Variants in RET observed in about 807,000 individuals in gnomAD.
RET encodes proto-oncogene tyrosine-protein kinase receptor Ret.
In RET, 19 loss-of-function variants were observed where a neutral mutation model predicts 118.3. The observed-to-expected ratio is 0.16, with a 90% CI of 0.11 to 0.24. The LOEUF (loss-of-function observed/expected upper bound fraction) is 0.24, where lower values mean the gene tolerates loss of function less well. RET is among the 10% of genes least tolerant of loss of function. RET has a pLI of 1.00. For synonymous variants in RET, 597 were observed against 644.1 expected (o/e 0.93, Z 1.11); for missense variants, 1,219 against 1,502.1 (o/e 0.81, Z 3.12).
In RET at chr10:43,119,527, C is replaced by G. The variant is rs768398267; in HGVS notation, c.2393-4C>G. ...CGCCCAGGGCCCCCTCTCTCCGCCC[C>G]CAGGCCCGCTCCTCCTCATCGTGGA... On this transcript the variant is annotated splice_region_variant and splice_polypyrimidine_tract_variant and intron_variant, in intron 13 of 19. Transcript: ENST00000355710. 7 of 1,593,132 alleles carry G rather than the reference C, an allele frequency of 4.4e-6. No individual in the cohort carries two copies. In the South Asian group the frequency reaches 7.9e-5, roughly 18 times the overall value.
intron 8 of RET, among the ~76,000 whole-genome samples, chr10:43,112,625 C>A (rs1837965289): frequency 6.6e-6 from 1 of 152,194 alleles, no homozygotes; most frequent in Non-Finnish European, 1.5e-5. Context: ...CTGAGAGGGT[C>A]CCGGCCTCTT....
chr10:43,093,933 C>T (rs1022258022), intron 1 of RET, among the ~76,000 whole-genome samples: 4 of 151,686 alleles, frequency 2.6e-5, no homozygotes, highest in Admixed American at 6.6e-5. Context: ...GGTGGGGAGG[C>T]GGGAGGAGCA....
Position 43,114,197 on chromosome 10 carries a change from G to A in RET, c.1880-283G>A, listed in dbSNP as rs994850530. On this transcript the variant is annotated intron_variant, in intron 10 of 19. Coordinates refer to ENST00000355710, the MANE Select transcript of RET (RefSeq NM_020975.6). The surrounding 1 kb of genome is among the most constrained non-coding windows in gnomAD (Gnocchi z 4.6). ...CCTGCCAGCCCTCCAGTGCCAGCTG[G>A]TGTAATGAGCACAGCCTCTGCTGTG... 3.3e-5 allele frequency among the ~76,000 whole-genome samples: 5 copies of A among 152,204 alleles called. No individual in the cohort carries two copies. Among genetic ancestry groups the A allele is most frequent in the African/African-American group, 9.6e-5 (4 of 41,458 alleles).
intron 7 of RET, 72 bp from the exon 8 acceptor site, chr10:43,112,027 C>T (rs1837946277): frequency 6.5e-7 from 1 of 1,546,724 alleles, no homozygotes; most frequent in East Asian, 2.4e-5. Context: ...GTGCTGTTCC[C>T]TGTCCTTGGG....
chr10:43,116,252 C>T (rs1479454633), intron 11 of RET, among the ~76,000 whole-genome samples: 2 of 152,228 alleles, frequency 1.3e-5, no homozygotes, highest in Non-Finnish European at 2.9e-5. Context: ...GACACTTCCA[C>T]TGTAGTCAGA....
At position 43,105,325 on chromosome 10, in the gene RET, T is replaced by G. The variant is rs1241946880; in HGVS notation, c.867+132T>G. 4.4e-6 allele frequency: 6 copies of G among 1,377,712 alleles called. No homozygotes were observed. The East Asian group carries it at 1.5e-4, about 33-fold the overall frequency. The allele number at this position is 1,377,712 out of a possible 1,614,324, so 85.3% of individuals were successfully genotyped here. ...TTCGCGCTTTCATTTGTCCTTCGCC[T>G]CCGTCTGCGCCGTCTGTCCTAGGGG... On this transcript the variant is annotated intron_variant, in intron 4 of 19. Transcript: ENST00000355710.
At chr10:43,096,404 C>G (rs1232860406) in intron 1 of RET, among the ~76,000 whole-genome samples, 2 of 152,186 alleles carry the variant, frequency 1.3e-5, no homozygotes, top group Non-Finnish European at 2.9e-5. Context: ...CACAAAGCCT[C>G]ACAGCATGTC....
intron 11 of RET, 144 bp from the exon 12 acceptor site, chr10:43,116,440 G>C: frequency 9.8e-7 from 1 of 1,022,320 alleles, no homozygotes; most frequent in Admixed American, 1.8e-5. Context: ...GACAGGCAGC[G>C]TTGCCGCTGG....
Position 43,109,255 on chromosome 10 carries a change from T to C in RET, c.1263+25T>C, listed in dbSNP as rs751527552. 4 of 1,607,436 alleles carry C rather than the reference T, an allele frequency of 2.5e-6. No individual in the cohort carries two copies. The East Asian group carries it at 8.9e-5, about 36-fold the overall frequency. On this transcript the variant is annotated intron_variant, in intron 6 of 19. Coordinates refer to ENST00000355710, the MANE Select transcript of RET (RefSeq NM_020975.6). ...GGTGAGCCCATACCTATTGCCTGTC[T>C]GGGGAAGATTGAAAGGCCAAGGGAC...
At chr10:43,094,895 AGTGT>A (rs1391239172) in intron 1 of RET, among the ~76,000 whole-genome samples, 1 of 152,150 alleles carries the variant, frequency 6.6e-6, no homozygotes, top group Non-Finnish European at 1.5e-5. Context: ...TGAGAGAATG[AGTGT>A]GTGTGAGAGA....
Position 43,106,939 on chromosome 10 carries a change from C to T in RET, c.1063+368C>T, listed in dbSNP as rs1336954517. ...GCCCCTAAGGCGTCCCAAGTGCTTA[C>T]GGATTATTGCTCCAGCCTCAGCAGC... is the stretch of plus-strand genomic sequence containing the variant. On this transcript the variant is annotated intron_variant, in intron 5 of 19. Transcript: ENST00000355710. The surrounding 1 kb of genome is among the most constrained non-coding windows in gnomAD (Gnocchi z 5.1). Among the ~76,000 whole-genome samples the T allele has an allele frequency of 6.6e-6, 1 of 152,228 alleles. No individual in the cohort carries two copies. Among genetic ancestry groups the T allele is most frequent in the Non-Finnish European group, 1.5e-5 (1 of 68,048 alleles).
intron 3 of RET, chr10:43,104,671 G>T: frequency 1.8e-6 from 1 of 568,850 alleles, no homozygotes; most frequent in Non-Finnish European, 3.1e-6. Flanking sequence ...TGATCAGGGT[G>T]CCTGGTCCTG....
intron 18 of RET, among the ~76,000 whole-genome samples, chr10:43,126,236 CA>C (rs1838325843): frequency 6.6e-6 from 1 of 152,214 alleles, no homozygotes; most frequent in Admixed American, 6.5e-5. Context: ...CGGGTTGGGC[CA>C]GGGGCAGCTA....
intron 1 of RET, among the ~76,000 whole-genome samples, chr10:43,084,245 A>C (rs1837244573): frequency 6.6e-6 from 1 of 152,230 alleles, no homozygotes; most frequent in Admixed American, 6.5e-5. Flanking sequence ...CCTGGACATG[A>C]AATCGCTAGG....
Position 43,114,482 on chromosome 10 carries a change from C to G in RET, c.1882C>G (p.Pro628Ala), listed in dbSNP as rs754466051. The change falls in exon 11 of 20, where the codon CCA becomes GCA. Residue 628 changes from proline to alanine, a missense_variant and splice_region_variant. This residue lies in a region of RET where 850 missense variants were observed against 969.6 expected (regional missense o/e 0.88). Coordinates refer to ENST00000355710, the MANE Select transcript of RET (RefSeq NM_020975.6). The surrounding 1 kb of genome is among the most constrained non-coding windows in gnomAD (Gnocchi z 4.6). ...CCTCACACCACCCCCACCCACAGAT[C>G]CACTGTGCGACGAGCTGTGCCGCAC... ...CFCEPEDIQD[P>A]LCDELCRTVI... 2 of 1,606,466 alleles carry G rather than the reference C, an allele frequency of 1.2e-6. No individual in the cohort carries two copies. Among genetic ancestry groups the G allele is most frequent in the Non-Finnish European group, 1.7e-6 (2 of 1,179,948 alleles).
At chr10:43,107,778 T>C (rs147221886) in intron 5 of RET, among the ~76,000 whole-genome samples, 43 of 152,192 alleles carry the variant, frequency 2.8e-4, no homozygotes, top group African/African-American at 1.0e-3. Context: ...AGACAGGAGT[T>C]ACAAGCAAGG....
chr10:43,120,696 T>A (rs946223420), intron 15 of RET, among the ~76,000 whole-genome samples: 1 of 152,130 alleles, frequency 6.6e-6, no homozygotes, highest in African/African-American at 2.4e-5. Flanking sequence ...CTGGACAGGA[T>A]CCAGAAACGC....
chr10:43,080,298 G>A (rs931009851), intron 1 of RET, among the ~76,000 whole-genome samples: 1 of 152,206 alleles, frequency 6.6e-6, no homozygotes, highest in Non-Finnish European at 1.5e-5. Flanking sequence ...CAGCCTGGCC[G>A]AAGACCCTCT....
intron 9 of RET, among the ~76,000 whole-genome samples, 184 bp downstream of exon 9, chr10:43,113,147 G>C (rs894400209): frequency 2.0e-5 from 3 of 152,156 alleles, no homozygotes; most frequent in Non-Finnish European, 2.9e-5. Context: ...ACAGGGGGAA[G>C]GCAGGGACCC....
Sources: allele counts gnomAD v4.1 joint callset (sites outside exome capture counted in the v4.1 genomes callset), GRCh38; gene constraint gnomAD v4.1.1; regional missense constraint gnomAD v4.1.1; non-coding constraint Gnocchi (gnomAD v3.1); transcripts MANE v1.5; gene names NCBI Gene and HGNC (gene_info 2026-07-23, HGNC 2026-07-21).